Variants in PCDHGB5 observed in about 807,000 individuals in gnomAD.
PCDHGB5 encodes protocadherin gamma subfamily B, 5.
In PCDHGB5, 48 loss-of-function variants were observed where a neutral mutation model predicts 62.9. That is an observed-to-expected ratio of 0.76 (90% CI 0.61 to 0.97). The LOEUF (loss-of-function observed/expected upper bound fraction) is 0.97, where lower values mean the gene tolerates loss of function less well. Among genes scored for constraint, PCDHGB5 ranks in the 50% least tolerant of loss-of-function variants. PCDHGB5 has a pLI of 0.00. For synonymous variants in PCDHGB5, 474 were observed against 511.2 expected (o/e 0.93, Z 0.98); for missense variants, 1,118 against 1,198.6 (o/e 0.93, Z 0.99).
intron 2 of PCDHGB5, among the ~76,000 whole-genome samples, chr5:141,497,158 T>A (rs2099774560): frequency 6.6e-6 from 1 of 151,860 alleles, no homozygotes; most frequent in African/African-American, 2.4e-5. Flanking sequence ...AAAAATAATC[T>A]AGCCACAAAT....
Position 141,399,818 on chromosome 5 carries a change from G to A in PCDHGB5, c.1691G>A (p.Gly564Asp). 1 of 1,613,204 alleles carries A rather than the reference G, an allele frequency of 6.2e-7. No homozygotes were observed. Among genetic ancestry groups the A allele is most frequent in the Non-Finnish European group, 8.5e-7 (1 of 1,179,766 alleles). The stretch of plus-strand genomic sequence containing the variant: ...CCGCGGGTGCTGTACCCCGCGCTGG[G>A]TCCCGACGGCTCTGCGCTCTTCGAT... ...NAPRVLYPAL[G>D]PDGSALFDMV... Residue 564 changes from glycine (G) to aspartate (D), a missense_variant, in exon 1 of 4, where the codon GGT (glycine) becomes GAT (aspartate). This residue lies in a region of PCDHGB5 where 1,034 missense variants were observed against 1,029.1 expected (regional missense o/e 1.00). Transcript: ENST00000617380.
intron 1 of PCDHGB5, chr5:141,428,769 T>A (rs1367357065): frequency 6.5e-6 from 1 of 154,242 alleles, no homozygotes; most frequent in Non-Finnish European, 1.4e-5. Flanking sequence ...TTGCCCACTC[T>A]TAATATTTCC....
rs1011504923 is a variant in PCDHGB5, at chr5:141,408,109, C to A, written c.2397+7585C>A. ...GGATTGCCAGCTCCGAGACCCGGGA[C>A]TCCTCCTGTCCTGGGCCGAATGCTC... is the stretch of plus-strand genomic sequence containing the variant. On this transcript the variant is annotated intron_variant, in intron 1 of 3. Transcript: ENST00000617380. 6 of 1,445,662 alleles carry A rather than the reference C, an allele frequency of 4.2e-6. No homozygotes were observed. In the African/African-American group the frequency reaches 5.7e-5, roughly 14 times the overall value. 89.6% of individuals were successfully genotyped at this position (1,445,662 alleles called of 1,614,324 possible). A position where few individuals can be genotyped will look rare whatever the true frequency, so the allele number is the denominator to read the frequency against.
Position 141,459,563 on chromosome 5 carries a change from C to T in PCDHGB5, c.2398-35244C>T, listed in dbSNP as rs1382676727. On this transcript the variant is annotated intron_variant, in intron 1 of 3. Coordinates refer to ENST00000617380, the MANE Select transcript of PCDHGB5 (RefSeq NM_018925.3). ...TTTTATTTCTCTTGGATAAATACCCCAAAACAGAATTGTTTTGGGGGTCAT... is the reference window on the plus strand; with the variant it reads ...TTTTATTTCTCTTGGATAAATACCCTAAAACAGAATTGTTTTGGGGGTCAT... Among the ~76,000 whole-genome samples, 21 of 152,044 alleles carry T rather than the reference C, an allele frequency of 1.4e-4. 1 individual carries two copies.
At position 141,505,908 on chromosome 5, in the gene PCDHGB5, T is replaced by C. The variant is rs114551975; in HGVS notation, c.2545+427T>C. On this transcript the variant is annotated intron_variant, in intron 3 of 3. Coordinates refer to ENST00000617380, the MANE Select transcript of PCDHGB5 (RefSeq NM_018925.3). ...TTAAATGAGATGATACCACAAAGCATAGAGTTCTGGGCCTGGCGCTTGGAA... is the reference window on the plus strand; with the variant it reads ...TTAAATGAGATGATACCACAAAGCACAGAGTTCTGGGCCTGGCGCTTGGAA... 4.0e-3 allele frequency among the ~76,000 whole-genome samples: 608 copies of C among 152,218 alleles called. 3 individuals are homozygous for C. The highest frequency in any genetic ancestry group is 0.013 in the African/African-American group (551 of 41,540).
In PCDHGB5 at chr5:141,485,099, G is replaced by T; in HGVS notation, c.2398-9708G>T. The T allele has an allele frequency of 8.7e-7, 1 of 1,145,218 alleles. No individual in the cohort carries two copies. Among genetic ancestry groups the T allele is most frequent in the Non-Finnish European group, 1.3e-6 (1 of 775,682 alleles). 70.9% of individuals were successfully genotyped at this position (1,145,218 alleles called of 1,614,324 possible). A position where few individuals can be genotyped will look rare whatever the true frequency, so the allele number is the denominator to read the frequency against. ...GGGGAAAGGGAGATAGGTGTCTCCA[G>T]CTGCTGTGGCTGTTTGGGGCGGGTC... On this transcript the variant is annotated intron_variant, in intron 1 of 3. Transcript: ENST00000617380. The surrounding 1 kb of genome is among the most constrained non-coding windows in gnomAD (Gnocchi z 5.7).
At chr5:141,499,880 G>A (rs1177287013) in intron 2 of PCDHGB5, among the ~76,000 whole-genome samples, 1 of 151,886 alleles carries the variant, frequency 6.6e-6, no homozygotes, top group African/African-American at 2.4e-5. Flanking sequence ...TACAAACAGG[G>A]TTTCGCCATG....
chr5:141,433,651 C>T (rs905489069), intron 1 of PCDHGB5, among the ~76,000 whole-genome samples: 3 of 152,064 alleles, frequency 2.0e-5, no homozygotes, highest in Non-Finnish European at 2.9e-5. Context: ...GCCTGACCAA[C>T]ATGGAGAAAC....
chr5:141,405,320 C>G, intron 1 of PCDHGB5: 1 of 1,614,188 alleles, frequency 6.2e-7, no homozygotes, highest in Non-Finnish European at 8.5e-7. Context: ...GAAAAATGAG[C>G]CTTTGTGCGT....
chr5:141,487,890 G>C lies in PCDHGB5; in HGVS notation c.2398-6917G>C. 3 of 745,430 alleles carry C rather than the reference G, an allele frequency of 4.0e-6. No homozygotes were observed. Among genetic ancestry groups the C allele is most frequent in the Non-Finnish European group, 6.5e-6 (3 of 462,522 alleles). The allele number at this position is 745,430 out of a possible 1,614,324, so 46.2% of individuals were successfully genotyped here. A position where few individuals can be genotyped will look rare whatever the true frequency, so the allele number is the denominator to read the frequency against. On this transcript the variant is annotated intron_variant, in intron 1 of 3. Coordinates refer to ENST00000617380, the MANE Select transcript of PCDHGB5 (RefSeq NM_018925.3). This position sits in a 1 kb window ranked among gnomAD's most constrained non-coding sequence, Gnocchi z 5.0. ...AAGAGCCAGGCTGTTGTGGAAGCAT[G>C]ATGATGGAATGTGGGAGCACAGGAG...
At chr5:141,456,148 C>G (rs1408257938) in intron 1 of PCDHGB5, among the ~76,000 whole-genome samples, 1 of 152,080 alleles carries the variant, frequency 6.6e-6, no homozygotes, top group African/African-American at 2.4e-5. Flanking sequence ...CCGCCCGCCT[C>G]GGCCTCCTAA....
intron 3 of PCDHGB5, among the ~76,000 whole-genome samples, chr5:141,509,044 C>G (rs1385744160): frequency 1.3e-5 from 2 of 152,130 alleles, no homozygotes. Flanking sequence ...CCCTCTCCCC[C>G]GCCCCCAGAA....
chr5:141,415,764 T>G lies in PCDHGB5; in HGVS notation c.2397+15240T>G, dbSNP rs1158166352. The G allele has an allele frequency of 5.0e-6, 7 of 1,391,674 alleles. No homozygotes were observed. The African/African-American group carries it at 7.5e-5, about 15-fold the overall frequency. 86.2% of individuals were successfully genotyped at this position (1,391,674 alleles called of 1,614,324 possible). Reference sequence around the variant, plus strand: ...GGTTTTTTTTTTTTTTTTTTTTTTTTTTTTTTTTACTTTCTGGTAAAATTC... The same window carrying G: ...GGTTTTTTTTTTTTTTTTTTTTTTTGTTTTTTTTACTTTCTGGTAAAATTC... On this transcript the variant is annotated intron_variant, in intron 1 of 3. Coordinates refer to ENST00000617380, the MANE Select transcript of PCDHGB5 (RefSeq NM_018925.3).
At position 141,433,030 on chromosome 5, in the gene PCDHGB5, T is replaced by C. The variant is rs116611363; in HGVS notation, c.2397+32506T>C. ...TCCTGCAGACCTATTCCCACGAGGTTTCCCTCACCACGGACTCGCGGAAGA... is the reference window on the plus strand; with the variant it reads ...TCCTGCAGACCTATTCCCACGAGGTCTCCCTCACCACGGACTCGCGGAAGA... On this transcript the variant is annotated intron_variant, in intron 1 of 3. Transcript: ENST00000617380. 10,352 of 1,614,096 alleles carry C rather than the reference T, an allele frequency of 6.4e-3. 43 individuals are homozygous for C. The highest frequency in any genetic ancestry group is 8.6e-3 in the Middle Eastern group (52 of 6,062).
rs763561348 is a variant in PCDHGB5 at position 141,400,141 on chromosome 5, A to G, written c.2014A>G (p.Thr672Ala). 1.9e-6 allele frequency: 3 copies of G among 1,614,020 alleles called. No homozygotes were observed. The highest frequency in any genetic ancestry group is 8.5e-7 in the Non-Finnish European group (1 of 1,179,878). ...CTTGCAGGAGGTGCTGCCGGATATC[A>G]CTGACCGCCCTGTACCCTCTGACCC... ...DSLQEVLPDITDRPVPSDPQA... is the reference protein window; with the variant it reads ...DSLQEVLPDIADRPVPSDPQA... Residue 672 changes from threonine (T) to alanine (A), a missense_variant, in exon 1 of 4, where the codon ACT becomes GCT. Transcript: ENST00000617380.
chr5:141,437,165 T>A (rs62379162), intron 1 of PCDHGB5, among the ~76,000 whole-genome samples: 3,747 of 152,330 alleles, frequency 0.025, 69 homozygotes, highest in Middle Eastern at 0.085. Context: ...TGTTGATTGT[T>A]TTCTGAGACT....
At chr5:141,466,281 C>T (rs555506496) in intron 1 of PCDHGB5, among the ~76,000 whole-genome samples, 76 of 152,252 alleles carry the variant, frequency 5.0e-4, no homozygotes, top group African/African-American at 1.7e-3. Context: ...AGCAATCTTC[C>T]CACCTCAGGC....
intron 1 of PCDHGB5, among the ~76,000 whole-genome samples, chr5:141,473,736 G>A (rs1278322296): frequency 1.3e-5 from 2 of 152,202 alleles, no homozygotes; most frequent in Non-Finnish European, 2.9e-5. Flanking sequence ...AGAGGGAGAA[G>A]ACATGAGAAC....
At chr5:141,461,819 A>T (rs573339238) in intron 1 of PCDHGB5, among the ~76,000 whole-genome samples, 68 of 149,282 alleles carry the variant, frequency 4.6e-4, no homozygotes, top group Non-Finnish European at 9.5e-4. Flanking sequence ...ACACCCAGCT[A>T]ATTTTTTTTT....
Sources: gnomAD v4.1 joint callset for allele counts (sites outside exome capture counted in the v4.1 genomes callset) on GRCh38, gnomAD v4.1.1 for gene constraint, gnomAD v4.1.1 regional missense constraint, Gnocchi (gnomAD v3.1) non-coding constraint, MANE v1.5 for transcripts, NCBI Gene and HGNC (gene_info 2026-07-23, HGNC 2026-07-21) for gene names.